The following KCNAB1 variants were observed in gnomAD, a reference collection of about 807,000 sequenced individuals.
KCNAB1 encodes the protein voltage-gated potassium channel subunit beta-1.
In KCNAB1, 35 loss-of-function variants were observed where a neutral mutation model predicts 64.6. The ratio of observed to expected loss-of-function variants is 0.54; its 90% CI spans 0.41 to 0.72. KCNAB1 has a LOEUF of 0.72. Among genes scored for constraint, KCNAB1 ranks in the 30% least tolerant of loss-of-function variants. KCNAB1 has a pLI of 0.00. For synonymous variants in KCNAB1, 177 were observed against 183.8 expected, an observed-to-expected ratio of 0.96 and a Z score of 0.30; for missense variants, 401 against 512.9, an observed-to-expected ratio of 0.78 and a Z score of 2.11.
chr3:156,222,228 G>A lies in KCNAB1; in HGVS notation c.275+101342G>A, dbSNP rs757415623. 5.9e-5 allele frequency among the ~76,000 whole-genome samples: 9 copies of A among 152,164 alleles called. No homozygotes were observed. The South Asian group carries it at 1.2e-3, about 21-fold the overall frequency. ...ACGTAAACTTAAGGTAAAGGGGGGCGGGAAGAAGATATTCCCTGCAAATGG... is the reference window on the plus strand; with the variant it reads ...ACGTAAACTTAAGGTAAAGGGGGGCAGGAAGAAGATATTCCCTGCAAATGG... On this transcript the variant is annotated intron_variant, in intron 1 of 13. Transcript: ENST00000490337.
intron 1 of KCNAB1, among the ~76,000 whole-genome samples, chr3:156,264,599 G>C (rs1463334750): frequency 6.6e-6 from 1 of 152,020 alleles, no homozygotes; most frequent in African/African-American, 2.4e-5. Flanking sequence ...ATATACTTCA[G>C]ATTAACATAA....
chr3:156,291,278 TGAG>T (rs1360817996), intron 1 of KCNAB1: 1 of 988,868 alleles, frequency 1.0e-6, no homozygotes, highest in Non-Finnish European at 1.2e-6. Context: ...GGAGGGGTCT[TGAG>T]GAGCCCCCAC....
At chr3:156,310,929 C>T (rs1226697015) in intron 1 of KCNAB1, among the ~76,000 whole-genome samples, 1 of 152,168 alleles carries the variant, frequency 6.6e-6, no homozygotes, top group African/African-American at 2.4e-5. Flanking sequence ...GCAATTAGGG[C>T]CCAGATGTGG....
At chr3:156,516,174 A>T (rs188179380) in intron 10 of KCNAB1, 96 bp from the exon 11 acceptor site, 5 of 801,978 alleles carry the variant, frequency 6.2e-6, no homozygotes. Flanking sequence ...TTTCCCTATA[A>T]CCTACCAAAT....
upstream of KCNAB1, chr3:156,118,483 G>A (rs1713175517): frequency 7.7e-6 from 2 of 260,218 alleles, no homozygotes; most frequent in Admixed American, 9.9e-5. Context: ...CAGATTCAAG[G>A]GGCTGAGAAA....
Position 156,474,804 on chromosome 3 carries a change from T to C in KCNAB1, c.642T>C (p.Ser214=). The C allele has an allele frequency of 6.2e-7, 1 of 1,612,662 alleles. No individual in the cohort carries two copies. Among genetic ancestry groups the C allele is most frequent in the Middle Eastern group, 1.7e-4 (1 of 6,050 alleles). Residue 214 remains serine, a synonymous_variant, in exon 8 of 14, where the codon AGT becomes AGC. Transcript: ENST00000490337. ...VDVVFANRPD[S]NTPMEEIVRA... ...TGGTCTTTGCAAATCGACCGGACAGTAACACTCCCATGGAAGGTAAGTTAA... is the reference window on the plus strand; with the variant it reads ...TGGTCTTTGCAAATCGACCGGACAGCAACACTCCCATGGAAGGTAAGTTAA...
intron 1 of KCNAB1, among the ~76,000 whole-genome samples, chr3:156,232,990 T>C (rs1191727022): frequency 6.6e-6 from 1 of 152,198 alleles, no homozygotes; most frequent in African/African-American, 2.4e-5. Flanking sequence ...TGTGGATTAT[T>C]ATACCTCTTC....
At chr3:156,257,313 A>C (rs1385703042) in intron 1 of KCNAB1, among the ~76,000 whole-genome samples, 1 of 152,206 alleles carries the variant, frequency 6.6e-6, no homozygotes, top group East Asian at 1.9e-4. Flanking sequence ...AACAAAATTC[A>C]TGGGGCTTTC....
intron 1 of KCNAB1, among the ~76,000 whole-genome samples, chr3:156,239,712 G>A (rs1441404201): frequency 6.6e-6 from 1 of 152,058 alleles, no homozygotes; most frequent in Non-Finnish European, 1.5e-5. Context: ...TCCATTCGAC[G>A]TATTTATCAT....
At chr3:156,197,224 T>TG (rs1714008114) in intron 1 of KCNAB1, among the ~76,000 whole-genome samples, 1 of 152,216 alleles carries the variant, frequency 6.6e-6, no homozygotes, top group Non-Finnish European at 1.5e-5. Flanking sequence ...TTGAGGATTT[T>TG]TGCATTGATG....
At chr3:156,481,928 C>T (rs981588320) in intron 8 of KCNAB1, among the ~76,000 whole-genome samples, 1 of 152,078 alleles carries the variant, frequency 6.6e-6, no homozygotes, top group African/African-American at 2.4e-5. Flanking sequence ...TCTAGAATGC[C>T]CTAGGTAAGG....
At chr3:156,317,160 T>C (rs956609948) in intron 1 of KCNAB1, among the ~76,000 whole-genome samples, 1 of 152,194 alleles carries the variant, frequency 6.6e-6, no homozygotes, top group Non-Finnish European at 1.5e-5. Context: ...CAACCTAGAA[T>C]AATTATTCTA....
intron 1 of KCNAB1, among the ~76,000 whole-genome samples, chr3:156,270,349 G>A (rs958608670): frequency 2.6e-5 from 4 of 151,580 alleles, no homozygotes; most frequent in African/African-American, 9.7e-5. Flanking sequence ...GTGGTTTTGT[G>A]GTCTTATCTT....
intron 1 of KCNAB1, among the ~76,000 whole-genome samples, chr3:156,321,315 A>G (rs1489980865): frequency 6.6e-6 from 1 of 152,228 alleles, no homozygotes; most frequent in Non-Finnish European, 1.5e-5. Flanking sequence ...AATCACACCC[A>G]GAGGAACCAG....
chr3:156,171,220 C>CACAT (rs1553812737), intron 1 of KCNAB1, among the ~76,000 whole-genome samples: 2 of 151,848 alleles, frequency 1.3e-5, no homozygotes, highest in African/African-American at 4.8e-5. Context: ...CACACACACA[C>CACAT]ACACACTGAA....
At chr3:156,121,450 A>G (rs1355527733) in intron 1 of KCNAB1, among the ~76,000 whole-genome samples, 1 of 152,212 alleles carries the variant, frequency 6.6e-6, no homozygotes, top group African/African-American at 2.4e-5. Context: ...CTTTTAAAAA[A>G]GAGATAAATG....
At chr3:156,143,633 A>C (rs990008386) in intron 1 of KCNAB1, among the ~76,000 whole-genome samples, 1 of 143,988 alleles carries the variant, frequency 6.9e-6, no homozygotes, top group Non-Finnish European at 1.5e-5. Flanking sequence ...AGGGTTACAG[A>C]AAAGACAGTC....
At chr3:156,311,387 A>G (rs76041908) in intron 1 of KCNAB1, among the ~76,000 whole-genome samples, 1,656 of 152,320 alleles carry the variant, frequency 0.011, 29 homozygotes, top group African/African-American at 0.038. Context: ...AGAAAATAGG[A>G]AAGGCAAAGA....
At position 156,158,173 on chromosome 3, in the gene KCNAB1, AAAT is replaced by A. The variant is rs548264766; in HGVS notation, c.275+37290_275+37292del. 5.0e-3 allele frequency among the ~76,000 whole-genome samples: 343 copies of A among 68,500 alleles called. 9 individuals are homozygous for A. The highest frequency in any genetic ancestry group is 0.036 in the South Asian group (73 of 2,036). 44.9% of individuals were successfully genotyped at this position (68,500 alleles called of 152,430 possible). ...GAGCGAAACTCTGTCTCAAAAAAAA[AAAT>A]AAAAAATAAATAAATAAATAAATAA... On this transcript the variant is annotated intron_variant, in intron 1 of 13. Transcript: ENST00000490337.
Sources: gnomAD v4.1 joint callset for allele counts (sites outside exome capture counted in the v4.1 genomes callset) on GRCh38, gnomAD v4.1.1 for gene constraint, MANE v1.5 for transcripts, NCBI Gene and HGNC (gene_info 2026-07-23, HGNC 2026-07-21) for gene names.